Variants in SP3 observed in about 807,000 individuals in gnomAD.
The protein encoded by SP3 is Sp3 transcription factor, also known as transcription factor Sp3.
A neutral mutation model predicts 70.3 loss-of-function variants in SP3; 10 were observed. That is an observed-to-expected ratio of 0.14 (90% CI 0.09 to 0.24). SP3 has a LOEUF of 0.24. Among genes scored for constraint, SP3 ranks in the 10% least tolerant of loss-of-function variants. The pLI is 1.00. For missense variants in SP3, 825 were observed against 914.6 expected, an observed-to-expected ratio of 0.90 and a Z score of 1.26; for synonymous variants, 402 against 333.5, an observed-to-expected ratio of 1.21 and a Z score of -2.24.
upstream of SP3, chr2:173,965,459 G>A: frequency 2.6e-6 from 1 of 388,942 alleles, no homozygotes; most frequent in South Asian, 4.3e-5. Flanking sequence ...CCAGGCGCCT[G>A]TCCGTCGGTC....
intron 4 of SP3, among the ~76,000 whole-genome samples, chr2:173,930,428 C>G (rs530163786): frequency 2.6e-5 from 4 of 152,278 alleles, no homozygotes; most frequent in Admixed American, 1.3e-4. Flanking sequence ...AAAAAAGGTG[C>G]AGCAGTAATT....
chr2:173,923,798 T>G (rs1689829641), intron 4 of SP3, among the ~76,000 whole-genome samples: 1 of 151,938 alleles, frequency 6.6e-6, no homozygotes, highest in Non-Finnish European at 1.5e-5. Flanking sequence ...TTCTAAAAGT[T>G]TATTTTATTT....
In SP3 at chr2:173,902,530, A is replaced by G. The variant is rs1164307630; in HGVS notation, c.*7411T>C. 6.6e-6 allele frequency among the ~76,000 whole-genome samples: 1 copy of G among 152,248 alleles called. No homozygotes were observed. Among genetic ancestry groups the G allele is most frequent in the Non-Finnish European group, 1.5e-5 (1 of 68,040 alleles). On this transcript the variant is annotated 3_prime_UTR_variant, in exon 7 of 7. Transcript: ENST00000310015. ...CACAAGGAAATATGTCAATTATTTC[A>G]TTGCAGCATTGTTTATAAGTCAAAA... is the stretch of plus-strand genomic sequence containing the variant.
At chr2:173,944,530 CTGTT>C (rs890807169) in intron 4 of SP3, among the ~76,000 whole-genome samples, 2 of 152,108 alleles carry the variant, frequency 1.3e-5, no homozygotes, top group Non-Finnish European at 2.9e-5. Context: ...CTCAAAAAAA[CTGTT>C]AAGTTGAATA....
intron 4 of SP3, among the ~76,000 whole-genome samples, chr2:173,936,654 G>A (rs564633357): frequency 6.6e-6 from 1 of 152,264 alleles, no homozygotes; most frequent in African/African-American, 2.4e-5. Context: ...AAAAAATGCT[G>A]CTTCCTTTCC....
chr2:173,961,756 A>C (rs180965978), intron 3 of SP3, among the ~76,000 whole-genome samples: 30 of 152,292 alleles, frequency 2.0e-4, no homozygotes, highest in Non-Finnish European at 4.0e-4. Flanking sequence ...AACTCATGTG[A>C]ATTTCCTTTT....
chr2:173,925,307 T>A (rs1559094864), intron 4 of SP3, among the ~76,000 whole-genome samples: 1 of 152,220 alleles, frequency 6.6e-6, no homozygotes, highest in African/African-American at 2.4e-5. Context: ...GGACATTATG[T>A]TAAGTGAAAT....
chr2:173,957,132 C>A (rs1690921315), intron 3 of SP3, among the ~76,000 whole-genome samples: 1 of 152,138 alleles, frequency 6.6e-6, no homozygotes, highest in Non-Finnish European at 1.5e-5. Context: ...AAGAAACTCA[C>A]TACCTAATTT....
chr2:173,917,677 A>C (rs1689647625), intron 5 of SP3, among the ~76,000 whole-genome samples: 1 of 152,118 alleles, frequency 6.6e-6, no homozygotes, highest in Non-Finnish European at 1.5e-5. Context: ...AATTTTCACC[A>C]TGACAAGGGA....
In SP3 at chr2:173,909,019, A is replaced by C. The variant is rs776085993; in HGVS notation, c.*922T>G. The C allele has an allele frequency of 6.6e-6, 1 of 152,430 alleles. No individual in the cohort carries two copies. Among genetic ancestry groups the C allele is most frequent in the East Asian group, 1.9e-4 (1 of 5,206 alleles). 9.4% of individuals were successfully genotyped at this position (152,430 alleles called of 1,614,324 possible). Reference sequence around the variant, plus strand: ...ATGGAAGTGATTTTGTTATGTTTGCATATGTTACACTTTACTGGTAATTTA... The same window carrying C: ...ATGGAAGTGATTTTGTTATGTTTGCCTATGTTACACTTTACTGGTAATTTA... On this transcript the variant is annotated 3_prime_UTR_variant, in exon 7 of 7. Coordinates refer to ENST00000310015, the MANE Select transcript of SP3 (RefSeq NM_003111.5).
At chr2:173,917,437 T>C (rs1689642239) in intron 5 of SP3, among the ~76,000 whole-genome samples, 1 of 152,130 alleles carries the variant, frequency 6.6e-6, no homozygotes, top group African/African-American at 2.4e-5. Context: ...CAAATCCCTG[T>C]TGTGTGTGCT....
chr2:173,945,330 CCATA>C (rs1467362746), intron 4 of SP3, among the ~76,000 whole-genome samples: 1 of 152,132 alleles, frequency 6.6e-6, no homozygotes, highest in African/African-American at 2.4e-5. Context: ...ACTTGTAAAT[CCATA>C]CAAACTAAAT....
At chr2:173,910,809 A>T (rs183811734) in intron 6 of SP3, among the ~76,000 whole-genome samples, 10 of 152,312 alleles carry the variant, frequency 6.6e-5, no homozygotes, top group Admixed American at 4.6e-4. Flanking sequence ...TTCAGCTACA[A>T]CAATCAAGAA....
chr2:173,939,467 A>T (rs1356839032), intron 4 of SP3, among the ~76,000 whole-genome samples: 1 of 152,180 alleles, frequency 6.6e-6, no homozygotes, highest in African/African-American at 2.4e-5. Flanking sequence ...AAGATTAAAA[A>T]TTTTTGTGAC....
At position 173,903,561 on chromosome 2, in the gene SP3, G is replaced by A. The variant is rs1689230815; in HGVS notation, c.*6380C>T. 6.6e-6 allele frequency among the ~76,000 whole-genome samples: 1 copy of A among 152,178 alleles called. No individual in the cohort carries two copies. Among genetic ancestry groups the A allele is most frequent in the South Asian group, 2.1e-4 (1 of 4,834 alleles). On this transcript the variant is annotated 3_prime_UTR_variant, in exon 7 of 7. Transcript: ENST00000310015. ...CAACTTAAGAATTTTTAAAGGATCAGGGTGTGAGGAGGACTAAGTAATTGG... is the reference window on the plus strand; with the variant it reads ...CAACTTAAGAATTTTTAAAGGATCAAGGTGTGAGGAGGACTAAGTAATTGG...
At position 173,963,780 on chromosome 2, in the gene SP3, GC is replaced by G; in HGVS notation, c.259del (p.Ala87ProfsTer16). ...ACTTACCGCTCCGGCGGCGGCGGGG[GC>G]CCCGGCTGCGGCGGCCGCCTCCTCC... ...DEEEAAAAAGAPAAAGATGDL... is the reference protein window; with the variant it reads ...DEEEAAAAAGXPAAAGATGDL... On this transcript the variant is annotated frameshift_variant, in exon 3 of 7. Coordinates refer to ENST00000310015, the MANE Select transcript of SP3 (RefSeq NM_003111.5). LOFTEE classifies it high-confidence loss of function. 3 of 1,363,864 alleles carry G rather than the reference GC, an allele frequency of 2.2e-6. No homozygotes were observed. The highest frequency in any genetic ancestry group is 1.5e-5 in the African/African-American group (1 of 65,478). The allele number at this position is 1,363,864 out of a possible 1,614,324, so 84.5% of individuals were successfully genotyped here. A position where few individuals can be genotyped will look rare whatever the true frequency, so the allele number is the denominator to read the frequency against.
chr2:173,953,159 A>G (rs2105496024), intron 4 of SP3, among the ~76,000 whole-genome samples: 1 of 152,308 alleles, frequency 6.6e-6, no homozygotes, highest in South Asian at 2.1e-4. Flanking sequence ...TGAAACTGGG[A>G]TTTTTCTTTA....
At chr2:173,921,509 G>C (rs1431643053) in intron 4 of SP3, among the ~76,000 whole-genome samples, 1 of 149,652 alleles carries the variant, frequency 6.7e-6, no homozygotes, top group Non-Finnish European at 1.5e-5. Context: ...AGCCAAGAGA[G>C]AGCGGTCCCG....
At position 173,924,839 on chromosome 2, in the gene SP3, A is replaced by C. The variant is rs139561814; in HGVS notation, c.1640-6054T>G. 7.4e-3 allele frequency among the ~76,000 whole-genome samples: 1,130 copies of C among 152,318 alleles called. 14 individuals carry two copies. Among genetic ancestry groups the C allele is most frequent in the African/African-American group, 0.025 (1,059 of 41,560 alleles). ...AGTTTTAGTTTAATTAAATCAAATC[A>C]AAGTGAGTTTAAAAATCTAGGAAAG... On this transcript the variant is annotated intron_variant, in intron 4 of 6. Coordinates refer to ENST00000310015, the MANE Select transcript of SP3 (RefSeq NM_003111.5).
Sources: gnomAD v4.1 joint callset for allele counts (sites outside exome capture counted in the v4.1 genomes callset) on GRCh38, gnomAD v4.1.1 for gene constraint, MANE v1.5 for transcripts, NCBI Gene and HGNC (gene_info 2026-07-23, HGNC 2026-07-21) for gene names.